Variants in NNT observed in about 807,000 individuals in gnomAD.
NNT encodes the protein NAD(P) transhydrogenase, mitochondrial.
NNT carries 50 observed loss-of-function variants against 104.8 expected under a neutral mutation model. The observed-to-expected ratio is 0.48, with a 90% CI of 0.38 to 0.60. The LOEUF (loss-of-function observed/expected upper bound fraction) is 0.60. Ranked by LOEUF, NNT falls within the 20% of genes least tolerant of loss-of-function variation. The probability of loss-of-function intolerance (pLI) is 0.00; values close to 1 mark genes in which losing one functional copy is unlikely to be tolerated. For missense variants in NNT, 1,131 were observed against 1,330.7 expected, an observed-to-expected ratio of 0.85 and a Z score of 2.33; for synonymous variants, 461 against 490.4, an observed-to-expected ratio of 0.94 and a Z score of 0.79.
At position 43,682,208 on chromosome 5, in the gene NNT, C is replaced by CTTTTT. The variant is rs71610326; in HGVS notation, c.2876+4420_2876+4424dup. 4.0e-3 allele frequency among the ~76,000 whole-genome samples: 397 copies of CTTTTT among 100,158 alleles called. 1 individual carries two copies. Among genetic ancestry groups the CTTTTT allele is most frequent in the Middle Eastern group, 9.3e-3 (1 of 108 alleles). The allele number at this position is 100,158 out of a possible 152,430, so 65.7% of individuals were successfully genotyped here. On this transcript the variant is annotated intron_variant, in intron 19 of 21. Coordinates refer to ENST00000344920, the MANE Select transcript of NNT (RefSeq NM_182977.3). ...GTCCATCTAACTGTCTAACTGGATT[C>CTTTTT]TTTTTTTTTTTTTTTTTTTTTTGTT...
chr5:43,603,461 T>C (rs1255755376), intron 1 of NNT, among the ~76,000 whole-genome samples, 167 bp downstream of exon 1: 6 of 151,564 alleles, frequency 4.0e-5, no homozygotes, highest in African/African-American at 1.5e-4. Flanking sequence ...CAGGGTGCAT[T>C]GGGGTGTCCG....
At chr5:43,629,442 T>C (rs557510747) in intron 7 of NNT, among the ~76,000 whole-genome samples, 2 of 152,348 alleles carry the variant, frequency 1.3e-5, no homozygotes, top group African/African-American at 4.8e-5. Context: ...TAAACATGTG[T>C]ATGCAATGTC....
intron 3 of NNT, among the ~76,000 whole-genome samples, chr5:43,614,222 T>C (rs1749656096): frequency 6.6e-6 from 1 of 152,214 alleles, no homozygotes; most frequent in African/African-American, 2.4e-5. Flanking sequence ...GTGTTCCTTT[T>C]AGGGATTCAC....
chr5:43,692,293 C>T (rs1462149479), intron 19 of NNT, among the ~76,000 whole-genome samples: 1 of 152,082 alleles, frequency 6.6e-6, no homozygotes, highest in Non-Finnish European at 1.5e-5. Flanking sequence ...CTTCATCAAA[C>T]TTAACTCCCT....
chr5:43,667,230 C>T (rs1740756438), intron 17 of NNT: 3 of 1,030,916 alleles, frequency 2.9e-6, no homozygotes, highest in South Asian at 2.5e-5. Flanking sequence ...TGGACTTGGC[C>T]ATGTCTGCAC....
At chr5:43,649,124 C>T (rs376852842) in intron 10 of NNT, 23 bp from the exon 11 acceptor site, 2 of 1,612,656 alleles carry the variant, frequency 1.2e-6, no homozygotes, top group African/African-American at 2.7e-5. Context: ...AGCTCAAACA[C>T]ACTCTTTACT....
intron 17 of NNT, chr5:43,666,853 T>C (rs1740726728): frequency 2.0e-6 from 3 of 1,472,496 alleles, no homozygotes; most frequent in Non-Finnish European, 2.8e-6. Context: ...CTTGGTTTGA[T>C]CCTTGGCCTT....
intron 10 of NNT, among the ~76,000 whole-genome samples, chr5:43,646,464 A>AT (rs373535709): frequency 0.072 from 9,794 of 136,252 alleles, 382 homozygotes; most frequent in African/African-American, 0.11. Flanking sequence ...TAATTTTTGT[A>AT]TTTTTTTTTT....
intron 6 of NNT, 137 bp downstream of exon 6, chr5:43,624,257 C>T (rs1750249049): frequency 2.6e-6 from 2 of 766,278 alleles, no homozygotes; most frequent in African/African-American, 3.5e-5. Flanking sequence ...AAAATGTTTC[C>T]ACTTTTTAAA....
chr5:43,679,106 A>G (rs2112118201), intron 19 of NNT, among the ~76,000 whole-genome samples: 1 of 152,320 alleles, frequency 6.6e-6, no homozygotes, highest in South Asian at 2.1e-4. Flanking sequence ...TAAGAAGTCT[A>G]CTTTTTAGTT....
chr5:43,642,590 T>C (rs1751295468), intron 7 of NNT, among the ~76,000 whole-genome samples: 2 of 152,126 alleles, frequency 1.3e-5, no homozygotes, highest in African/African-American at 2.4e-5. Context: ...TTATAACAAA[T>C]CATGTGGCAG....
At chr5:43,634,730 T>C (rs1750847032) in intron 7 of NNT, among the ~76,000 whole-genome samples, 1 of 152,190 alleles carries the variant, frequency 6.6e-6, no homozygotes, top group Admixed American at 6.5e-5. Flanking sequence ...TCTACACACC[T>C]CTTCGTAGCT....
chr5:43,645,300 C>A (rs1739326226), intron 9 of NNT, 57 bp from the exon 10 acceptor site: 2 of 1,181,176 alleles, frequency 1.7e-6, no homozygotes, highest in Non-Finnish European at 2.2e-6. Flanking sequence ...ATTCCTTAAG[C>A]AATTTTGAAA....
intron 17 of NNT, among the ~76,000 whole-genome samples, chr5:43,665,544 G>T (rs1395708715): frequency 1.3e-5 from 2 of 152,162 alleles, no homozygotes; most frequent in African/African-American, 4.8e-5. Flanking sequence ...AAAGCACCGG[G>T]TTGGGGGCAA....
At chr5:43,648,547 G>C (rs998106407) in intron 10 of NNT, 1 of 155,430 alleles carries the variant, frequency 6.4e-6, no homozygotes, top group Middle Eastern at 3.4e-3. Flanking sequence ...GGCTGGAGCT[G>C]ACTGCCCTGG....
At chr5:43,671,665 A>C (rs558179491) in intron 17 of NNT, among the ~76,000 whole-genome samples, 116 of 152,318 alleles carry the variant, frequency 7.6e-4, no homozygotes, top group African/African-American at 2.3e-3. Flanking sequence ...TGTTAGTCTG[A>C]TGGGCTTCCC....
chr5:43,656,223 C>T (rs77331019), intron 15 of NNT, 150 bp downstream of exon 15: 29,432 of 668,372 alleles, frequency 0.044, 1,092 homozygotes, highest in African/African-American at 0.15. Flanking sequence ...GGGAGGCTCT[C>T]AAGCCCAGGA....
At chr5:43,644,154 G>T (rs974182717) in intron 7 of NNT, 38 bp from the exon 8 acceptor site, 13 of 1,555,906 alleles carry the variant, frequency 8.4e-6, no homozygotes, top group African/African-American at 4.2e-5. Context: ...GTTAGAAAAT[G>T]ATAATACAAA....
intron 7 of NNT, among the ~76,000 whole-genome samples, chr5:43,643,839 G>T (rs1751361950): frequency 6.6e-6 from 1 of 152,092 alleles, no homozygotes; most frequent in South Asian, 2.1e-4. Flanking sequence ...TTCCATAGTG[G>T]TTTATTATTA....
Sources: gnomAD v4.1 joint callset for allele counts (sites outside exome capture counted in the v4.1 genomes callset) on GRCh38, gnomAD v4.1.1 for gene constraint, MANE v1.5 for transcripts, NCBI Gene and HGNC (gene_info 2026-07-23, HGNC 2026-07-21) for gene names.